Variants in CPAMD8 observed in about 807,000 individuals in gnomAD.
CPAMD8 encodes the protein C3 and PZP like alpha-2-macroglobulin domain containing 8.
A neutral mutation model predicts 224.7 loss-of-function variants in CPAMD8; 146 were observed. The observed-to-expected ratio is 0.65, with a 90% CI of 0.57 to 0.75. The LOEUF (loss-of-function observed/expected upper bound fraction) is 0.75, where lower values mean the gene tolerates loss of function less well. CPAMD8 is among the 30% of genes least tolerant of loss of function. CPAMD8 has a pLI of 0.00. For synonymous variants in CPAMD8, 966 were observed against 1,044.6 expected, an observed-to-expected ratio of 0.92 and a Z score of 1.45; for missense variants, 2,301 against 2,537.5, an observed-to-expected ratio of 0.91 and a Z score of 2.00.
rs1396865312 is a variant in CPAMD8, at chr19:16,904,509, G to C, written c.4071C>G (p.Asp1357Glu). The change falls in exon 31 of 42, where the codon GAC becomes GAG. Residue 1357 changes from aspartate (D) to glutamate (E), a missense_variant. Physicochemically the swap from Asp to Glu is conservative, Grantham distance 45. Coordinates refer to ENST00000443236, the MANE Select transcript of CPAMD8 (RefSeq NM_015692.5). ...CACTGAAGCTCAAGAATGTGCCCTT[G>C]TCCACGTCCCAGGAATTTGACAGGC... ...HWSLSNSWDV[D>E]KGTFLSFSDR... The C allele has an allele frequency of 2.9e-5, 46 of 1,614,016 alleles. No homozygotes were observed. Among genetic ancestry groups the C allele is most frequent in the Non-Finnish European group, 3.7e-5 (44 of 1,179,988 alleles).
intron 3 of CPAMD8, among the ~76,000 whole-genome samples, chr19:17,012,107 T>C (rs1423746729): frequency 1.3e-5 from 2 of 151,558 alleles, no homozygotes; most frequent in Non-Finnish European, 2.9e-5. Context: ...GCAACCTCTG[T>C]CTCCCAGCTC....
chr19:17,018,556 C>A (rs528754052), intron 3 of CPAMD8, among the ~76,000 whole-genome samples: 17 of 151,962 alleles, frequency 1.1e-4, no homozygotes, highest in African/African-American at 2.9e-4. Flanking sequence ...AACATTCTGG[C>A]GACTTAAGGA....
At chr19:16,914,142 G>A (rs2052836946) in intron 29 of CPAMD8, among the ~76,000 whole-genome samples, 1 of 152,130 alleles carries the variant, frequency 6.6e-6, no homozygotes, top group Non-Finnish European at 1.5e-5. Flanking sequence ...GAGGTCTAGG[G>A]GCTGTGGACA....
chr19:16,910,249 A>G (rs1450537014), intron 29 of CPAMD8, among the ~76,000 whole-genome samples: 1 of 147,424 alleles, frequency 6.8e-6, no homozygotes, highest in Non-Finnish European at 1.5e-5. Context: ...AGCTCACCGC[A>G]ATCTCCGCCT....
chr19:16,907,161 C>G, intron 29 of CPAMD8, 44 bp from the exon 30 acceptor site: 1 of 1,475,886 alleles, frequency 6.8e-7, no homozygotes, highest in Non-Finnish European at 9.0e-7. Flanking sequence ...GGCTGCTCTG[C>G]CCCCATCCCA....
chr19:17,001,583 G>A (rs1345461676), intron 9 of CPAMD8, among the ~76,000 whole-genome samples: 1 of 152,012 alleles, frequency 6.6e-6, no homozygotes, highest in Non-Finnish European at 1.5e-5. Context: ...ATGCTTTGGA[G>A]AGACAGGGGC....
In CPAMD8 at chr19:16,952,822, CT is replaced by C. The variant is rs1483481849; in HGVS notation, c.2277-623del. Among the ~76,000 whole-genome samples the C allele has an allele frequency of 2.6e-5, 4 of 152,294 alleles. No homozygotes were observed. The South Asian group carries it at 6.2e-4, about 24-fold the overall frequency. Reference sequence around the variant, plus strand: ...GTGATCTATAGATTCAATGGAACCCCTATCATAAACCCCAATGACTTTTTAT... The same window carrying C: ...GTGATCTATAGATTCAATGGAACCCCATCATAAACCCCAATGACTTTTTAT... On this transcript the variant is annotated intron_variant, in intron 19 of 41. Transcript: ENST00000443236.
At chr19:16,983,858 C>G (rs2055608645) in intron 13 of CPAMD8, among the ~76,000 whole-genome samples, 1 of 152,110 alleles carries the variant, frequency 6.6e-6, no homozygotes, top group African/African-American at 2.4e-5. Flanking sequence ...AGAAATGGAA[C>G]TGATCTTAAA....
chr19:16,982,077 G>C (rs948916871), intron 13 of CPAMD8, among the ~76,000 whole-genome samples: 3 of 152,146 alleles, frequency 2.0e-5, no homozygotes, highest in South Asian at 4.1e-4. Flanking sequence ...GCAACAAAGT[G>C]AGATCCCGTC....
At chr19:17,026,500 A>T (rs1212378591) in intron 1 of CPAMD8, 51 bp downstream of exon 1, 4 of 1,442,024 alleles carry the variant, frequency 2.8e-6, no homozygotes, top group East Asian at 5.9e-5. Flanking sequence ...AGTACCCGCG[A>T]CCCCCACCCC....
chr19:17,011,038 A>G (rs899291330), intron 5 of CPAMD8, among the ~76,000 whole-genome samples: 5 of 151,814 alleles, frequency 3.3e-5, no homozygotes, highest in Non-Finnish European at 5.9e-5. Flanking sequence ...AAAAACAGAA[A>G]AAAAAATCAG....
chr19:16,934,198 C>T (rs142467584), intron 23 of CPAMD8, among the ~76,000 whole-genome samples: 22 of 152,178 alleles, frequency 1.4e-4, no homozygotes, highest in African/African-American at 2.4e-4. Flanking sequence ...AGATTACAAA[C>T]GGGCATGACT....
chr19:16,904,150 C>G, intron 32 of CPAMD8, 76 bp downstream of exon 32: 5 of 1,474,396 alleles, frequency 3.4e-6, no homozygotes, highest in Non-Finnish European at 2.7e-6. Flanking sequence ...CTGGCCACCT[C>G]AGAGCTCAAA....
intron 7 of CPAMD8, among the ~76,000 whole-genome samples, chr19:17,007,465 AAGG>A (rs917025275): frequency 5.3e-5 from 8 of 151,722 alleles, no homozygotes; most frequent in Admixed American, 2.0e-4. Flanking sequence ...ATCGAAGAAG[AAGG>A]AGGAGGAGGA....
intron 18 of CPAMD8, among the ~76,000 whole-genome samples, chr19:16,968,848 G>A (rs1233737762): frequency 1.3e-5 from 2 of 152,034 alleles, no homozygotes; most frequent in African/African-American, 4.8e-5. Flanking sequence ...CATGTGCCCA[G>A]GCTGGTCTCA....
Position 16,902,496 on chromosome 19 carries a change from G to C in CPAMD8, c.4685+153C>G, listed in dbSNP as rs576842701. On this transcript the variant is annotated intron_variant, in intron 35 of 41. Transcript: ENST00000443236. ...CGCACCATTGCACTCCAGCCTGGGC[G>C]ACAGGGTGAGACTCTGTCTCAAAAA... Among the ~76,000 whole-genome samples, 7 of 152,172 alleles carry C rather than the reference G, an allele frequency of 4.6e-5. No individual in the cohort carries two copies. In the South Asian group the frequency reaches 1.2e-3, roughly 27 times the overall value.
At position 16,921,905 on chromosome 19, in the gene CPAMD8, C is replaced by T; in HGVS notation, c.3629G>A (p.Trp1210Ter). Residue 1210 changes from tryptophan to a stop codon, truncating the protein, a stop_gained and splice_region_variant, in exon 27 of 42, where the codon TGG (tryptophan) becomes TAG (stop). Coordinates refer to ENST00000443236, the MANE Select transcript of CPAMD8 (RefSeq NM_015692.5). LOFTEE classifies it high-confidence loss of function. ...AATGCCCAGGGCGGTGGGGACTCAC[C>T]ACATGCTCCCCGATGCGTCCCGCTC... Reference protein sequence around the residue: ...FGERDASGSMWLTAFVLKSFA... With the variant: ...FGERDASGSM The T allele has an allele frequency of 6.5e-7, 1 of 1,541,754 alleles. No homozygotes were observed. The highest frequency in any genetic ancestry group is 2.4e-5 in the East Asian group (1 of 40,900).
chr19:16,907,100 A>T lies in CPAMD8; in HGVS notation c.3879T>A (p.Thr1293=), dbSNP rs1446450922. The T allele has an allele frequency of 6.4e-7, 1 of 1,570,214 alleles. No homozygotes were observed. Among genetic ancestry groups the T allele is most frequent in the Admixed American group, 1.8e-5 (1 of 55,164 alleles). The change falls in exon 30 of 42, where the codon ACT becomes ACA. Residue 1293 remains threonine, a synonymous_variant. Coordinates refer to ENST00000443236, the MANE Select transcript of CPAMD8 (RefSeq NM_015692.5). ...ACTCCAGGAAGTGCCTCGCTTTGTC[A>T]GTGGAGCCTCTCTCCTCCTGCAGGG... ...GTASEEERGS[T]DKARHFLESA...
At chr19:16,983,844 T>A (rs940646582) in intron 13 of CPAMD8, among the ~76,000 whole-genome samples, 1 of 152,202 alleles carries the variant, frequency 6.6e-6, no homozygotes, top group Non-Finnish European at 1.5e-5. Flanking sequence ...ATGGCCTTTT[T>A]TGCAGAAATG....
Sources: gnomAD v4.1 joint callset for allele counts (sites outside exome capture counted in the v4.1 genomes callset) on GRCh38, gnomAD v4.1.1 for gene constraint, MANE v1.5 for transcripts, NCBI Gene and HGNC (gene_info 2026-07-23, HGNC 2026-07-21) for gene names.